Variants in PDE10A observed in about 807,000 individuals in gnomAD.
PDE10A encodes the protein cAMP and cAMP-inhibited cGMP 3',5'-cyclic phosphodiesterase 10A.
A neutral mutation model predicts 97.7 loss-of-function variants in PDE10A; 39 were observed. That is an observed-to-expected ratio of 0.40 (90% confidence interval 0.31 to 0.52). PDE10A has a LOEUF of 0.52. Among genes scored for constraint, PDE10A ranks in the 20% least tolerant of loss-of-function variants. The probability of loss-of-function intolerance (pLI) is 0.56; values close to 1 mark genes in which losing one functional copy is unlikely to be tolerated. For missense variants in PDE10A, 731 were observed against 1,047.8 expected (o/e 0.70, Z 4.17); for synonymous variants, 371 against 376.8 (o/e 0.98, Z 0.18).
At chr6:165,930,065 C>T (rs1463549471) in intron 1 of PDE10A, among the ~76,000 whole-genome samples, 2 of 146,318 alleles carry the variant, frequency 1.4e-5, no homozygotes, top group Non-Finnish European at 3.0e-5. Context: ...GAAAAGAGTG[C>T]TCCCTAATGA....
At chr6:165,522,501 TA>T (rs1196604675) in intron 2 of PDE10A, among the ~76,000 whole-genome samples, 1 of 151,892 alleles carries the variant, frequency 6.6e-6, no homozygotes, top group East Asian at 1.9e-4. Context: ...AAAGACCACA[TA>T]AAAAAAGGTC....
intron 3 of PDE10A, among the ~76,000 whole-genome samples, chr6:165,467,031 T>C (rs1422748287): frequency 6.6e-6 from 1 of 152,140 alleles, no homozygotes; most frequent in South Asian, 2.1e-4. Context: ...GGAGAAAGAT[T>C]TGGTTGTCTG....
intron 1 of PDE10A, among the ~76,000 whole-genome samples, chr6:165,855,305 C>CGG (rs34074536): frequency 5.5e-4 from 48 of 86,504 alleles, no homozygotes; most frequent in East Asian, 3.8e-3. Flanking sequence ...CGGGAAGTGG[C>CGG]GGGGGGGGGG....
At chr6:165,677,163 G>GA (rs754325659) in intron 1 of PDE10A, among the ~76,000 whole-genome samples, 3 of 152,202 alleles carry the variant, frequency 2.0e-5, no homozygotes, top group South Asian at 2.1e-4. Flanking sequence ...CAACTTTCAG[G>GA]AAAGCAGAGA....
At chr6:165,852,338 T>C (rs1271693626) in intron 1 of PDE10A, among the ~76,000 whole-genome samples, 1 of 152,242 alleles carries the variant, frequency 6.6e-6, no homozygotes, top group Non-Finnish European at 1.5e-5. Context: ...AGTTTCAAAA[T>C]ACACCCAATC....
At chr6:165,957,128 G>T (rs1254409417) in intron 1 of PDE10A, among the ~76,000 whole-genome samples, 1 of 152,112 alleles carries the variant, frequency 6.6e-6, no homozygotes, top group African/African-American at 2.4e-5. Flanking sequence ...CAGATATGAG[G>T]GTAGGGGTGA....
At chr6:165,765,320 GCGC>G (rs1777805769) in intron 1 of PDE10A, among the ~76,000 whole-genome samples, 4 of 152,248 alleles carry the variant, frequency 2.6e-5, no homozygotes, top group Admixed American at 6.5e-5. Context: ...ATGGGACTGG[GCGC>G]TGTAGAGCAG....
chr6:165,587,991 A>G (rs1786015927), intron 1 of PDE10A, among the ~76,000 whole-genome samples: 1 of 152,210 alleles, frequency 6.6e-6, no homozygotes, highest in Non-Finnish European at 1.5e-5. Context: ...TACCACTCCA[A>G]TAAAACTAGA....
intron 2 of PDE10A, among the ~76,000 whole-genome samples, chr6:165,486,059 T>G (rs1205682891): frequency 2.6e-5 from 4 of 152,118 alleles, no homozygotes; most frequent in African/African-American, 9.7e-5. Flanking sequence ...GCAACGTAAC[T>G]AGAGGAATTA....
chr6:165,599,509 C>T (rs117324573), intron 1 of PDE10A, among the ~76,000 whole-genome samples: 1 of 152,238 alleles, frequency 6.6e-6, no homozygotes, highest in East Asian at 1.9e-4. Flanking sequence ...TCAAAGGAAC[C>T]CCTAGAGTCA....
At chr6:165,341,837 T>C (rs1781989505) in intron 19 of PDE10A, among the ~76,000 whole-genome samples, 1 of 152,196 alleles carries the variant, frequency 6.6e-6, no homozygotes, top group South Asian at 2.1e-4. Flanking sequence ...CACTTTTTAC[T>C]GTGATACACA....
At chr6:165,345,321 C>A (rs1372795752) in intron 18 of PDE10A, among the ~76,000 whole-genome samples, 1 of 150,840 alleles carries the variant, frequency 6.6e-6, no homozygotes, top group South Asian at 2.1e-4. Flanking sequence ...GATTATAAAA[C>A]AGTTATTTAG....
intron 19 of PDE10A, among the ~76,000 whole-genome samples, chr6:165,341,897 T>A (rs868110964): frequency 9.8e-5 from 15 of 152,332 alleles, no homozygotes; most frequent in Non-Finnish European, 1.8e-4. Context: ...CACAGAGCAT[T>A]TTAAACACAG....
chr6:165,882,232 T>C (rs768477353), intron 1 of PDE10A, among the ~76,000 whole-genome samples: 31 of 152,338 alleles, frequency 2.0e-4, no homozygotes, highest in Non-Finnish European at 3.4e-4. Context: ...TGGAACTTCT[T>C]CAGTTTTATT....
chr6:165,812,769 A>G (rs760530211), intron 1 of PDE10A, among the ~76,000 whole-genome samples: 4 of 152,150 alleles, frequency 2.6e-5, no homozygotes, highest in Non-Finnish European at 5.9e-5. Context: ...TTGCATGTCT[A>G]CTCTCTAACA....
chr6:165,481,205 C>T (rs1008282201), intron 3 of PDE10A, among the ~76,000 whole-genome samples: 1 of 152,170 alleles, frequency 6.6e-6, no homozygotes, highest in Non-Finnish European at 1.5e-5. Context: ...TCTGCTGCTC[C>T]TAGCAGCTGC....
At chr6:165,376,677 G>A (rs527393473) in intron 18 of PDE10A, among the ~76,000 whole-genome samples, 1 of 152,202 alleles carries the variant, frequency 6.6e-6, no homozygotes, top group Non-Finnish European at 1.5e-5. Context: ...TTACTCAGGA[G>A]GCTGAGGTGG....
At chr6:165,726,615 C>T (rs1016646269) in intron 1 of PDE10A, among the ~76,000 whole-genome samples, 2 of 152,188 alleles carry the variant, frequency 1.3e-5, no homozygotes, top group Admixed American at 6.5e-5. Flanking sequence ...CACCGCCTTC[C>T]GACGGGCCTG....
rs559249328 is a variant in PDE10A at position 165,384,110 on chromosome 6, G to T, written c.2610+4188C>A. ...AGAGTCACTAATGACTTTTAAACAG[G>T]AGAAAAACATATTCAGACATATACT... On this transcript the variant is annotated intron_variant, in intron 17 of 21. Transcript: ENST00000539869. 2.0e-5 allele frequency among the ~76,000 whole-genome samples: 3 copies of T among 152,238 alleles called. No homozygotes were observed. The South Asian group carries it at 6.2e-4, about 32-fold the overall frequency.
Sources: gnomAD v4.1 joint callset for allele counts (sites outside exome capture counted in the v4.1 genomes callset) on GRCh38, gnomAD v4.1.1 for gene constraint, MANE v1.5 for transcripts, NCBI Gene and HGNC (gene_info 2026-07-23, HGNC 2026-07-21) for gene names.